EZH2: variants seen among roughly 807,000 people sequenced by gnomAD.
EZH2 encodes the protein histone-lysine N-methyltransferase EZH2.
Under a neutral mutation model 98.4 loss-of-function variants are expected in EZH2, and 18 were observed. The ratio of observed to expected loss-of-function variants is 0.18; its 90% CI spans 0.13 to 0.27. EZH2 has a LOEUF of 0.27. EZH2 is among the 10% of genes least tolerant of loss of function. The pLI, the probability that EZH2 is intolerant of heterozygous loss-of-function variation, is 1.00. For missense variants in EZH2, 470 were observed against 935.1 expected, an observed-to-expected ratio of 0.50 and a Z score of 6.49; for synonymous variants, 338 against 312.3, an observed-to-expected ratio of 1.08 and a Z score of -0.87.
At chr7:148,811,582 A>G (rs781523688) in intron 16 of EZH2, 43 bp downstream of exon 16, 14 of 1,439,494 alleles carry the variant, frequency 9.7e-6, no homozygotes, top group African/African-American at 2.8e-5. Flanking sequence ...AAGTAAAGTT[A>G]GTATATACAA....
At chr7:148,864,441 G>A (rs1818138541) in intron 1 of EZH2, among the ~76,000 whole-genome samples, 2 of 152,198 alleles carry the variant, frequency 1.3e-5, no homozygotes, top group African/African-American at 4.8e-5. Context: ...CCAGCACTTT[G>A]GGAGGCTAAG....
chr7:148,861,730 C>T (rs546511379), intron 1 of EZH2, among the ~76,000 whole-genome samples: 5 of 149,636 alleles, frequency 3.3e-5, no homozygotes, highest in African/African-American at 9.9e-5. Context: ...TAGCACTTTG[C>T]GGGGCTGAGG....
chr7:148,822,314 G>A (rs886469763), intron 8 of EZH2, among the ~76,000 whole-genome samples: 12 of 150,552 alleles, frequency 8.0e-5, no homozygotes, highest in South Asian at 6.4e-4. Flanking sequence ...GTTTGAGACC[G>A]GCCTGGCCAA....
intron 8 of EZH2, among the ~76,000 whole-genome samples, 163 bp downstream of exon 8, chr7:148,826,291 C>T (rs1469128938): frequency 2.0e-5 from 3 of 150,748 alleles, no homozygotes; most frequent in Non-Finnish European, 4.4e-5. Flanking sequence ...GATTTCAGAG[C>T]AATCCTCAAG....
intron 15 of EZH2, 180 bp from the exon 16 acceptor site, chr7:148,811,900 CATT>C: frequency 1.7e-6 from 1 of 577,122 alleles, no homozygotes; most frequent in Non-Finnish European, 3.1e-6. Context: ...TGGCTATGAA[CATT>C]ATGTTTTCCT....
At chr7:148,822,803 G>GAC (rs1467843722) in intron 8 of EZH2, among the ~76,000 whole-genome samples, 2 of 151,986 alleles carry the variant, frequency 1.3e-5, no homozygotes, top group Non-Finnish European at 2.9e-5. Context: ...TGAGCCAGGT[G>GAC]AGGTGGTGCG....
intron 2 of EZH2, 39 bp from the exon 3 acceptor site, chr7:148,846,637 T>G (rs371669370): frequency 6.3e-7 from 1 of 1,587,246 alleles, no homozygotes; most frequent in Non-Finnish European, 8.6e-7. Flanking sequence ...GGAGAAATTG[T>G]TCATTGTTAG....
rs2129476903 is a variant in EZH2, at chr7:148,829,747, C to T, written c.465G>A (p.Gly155=). 1.2e-6 allele frequency: 2 copies of T among 1,610,652 alleles called. No individual in the cohort carries two copies. Among genetic ancestry groups the T allele is most frequent in the Non-Finnish European group, 1.7e-6 (2 of 1,178,968 alleles). Residue 155 remains glycine (G), a synonymous_variant, in exon 5 of 20, where the codon GGG becomes GGA. Transcript: ENST00000320356. ...FIEELIKNYD[G]KVHGDRECGF... ...GCTCACCTCTATCCCCGTGTACTTT[C>T]CCATCATAATTTTTTATTAGTTCTT...
At chr7:148,883,831 G>T (rs13311836) in intron 1 of EZH2, among the ~76,000 whole-genome samples, 1 of 151,838 alleles carries the variant, frequency 6.6e-6, no homozygotes, top group African/African-American at 2.4e-5. Context: ...CCGGGCACCG[G>T]AACGCCCCGA....
At position 148,810,418 on chromosome 7, in the gene EZH2, AAAAG is replaced by A. The variant is rs771442420; in HGVS notation, c.1948-8_1948-5del. The A allele has an allele frequency of 1.1e-5, 18 of 1,602,400 alleles. No homozygotes were observed. The highest frequency in any genetic ancestry group is 1.1e-4 in the South Asian group (10 of 90,542). On this transcript the variant is annotated splice_polypyrimidine_tract_variant and splice_region_variant and intron_variant, in intron 16 of 19. Transcript: ENST00000320356. The stretch of plus-strand genomic sequence containing the variant: ...CAGCTTCATCTTGAGAAATAATCTA[AAAAG>A]AAAGACACAGGAGAAAATTCTTTTG...
intron 8 of EZH2, among the ~76,000 whole-genome samples, chr7:148,820,271 A>C (rs951184689): frequency 6.6e-6 from 1 of 152,210 alleles, no homozygotes; most frequent in Non-Finnish European, 1.5e-5. Flanking sequence ...AGAAAGATAC[A>C]CTGTTTGAAA....
In EZH2 at chr7:148,810,317, C is replaced by T; in HGVS notation, c.2029+16G>A. 6.3e-7 allele frequency: 1 copy of T among 1,589,892 alleles called. No homozygotes were observed. The highest frequency in any genetic ancestry group is 8.6e-7 in the Non-Finnish European group (1 of 1,159,912). ...TGCAACTCAGGAACTCACTGCCTCC[C>T]AGCTCTGAAACATACCATTGTTCAA... is the stretch of plus-strand genomic sequence containing the variant. On this transcript the variant is annotated intron_variant, in intron 17 of 19. Coordinates refer to ENST00000320356, the MANE Select transcript of EZH2 (RefSeq NM_004456.5).
intron 3 of EZH2, among the ~76,000 whole-genome samples, chr7:148,833,628 A>G (rs1461744666): frequency 2.0e-5 from 3 of 152,186 alleles, no homozygotes; most frequent in Non-Finnish European, 4.4e-5. Context: ...AGTAAATTTA[A>G]GTCTATTCTG....
In EZH2 at chr7:148,807,387, A is replaced by T; in HGVS notation, c.*259T>A. 1 of 473,830 alleles carries T rather than the reference A, an allele frequency of 2.1e-6. No homozygotes were observed. Among genetic ancestry groups the T allele is most frequent in the South Asian group, 3.2e-5 (1 of 30,810 alleles). The allele number at this position is 473,830 out of a possible 1,614,324, so 29.4% of individuals were successfully genotyped here. On this transcript the variant is annotated 3_prime_UTR_variant, in exon 20 of 20. Coordinates refer to ENST00000320356, the MANE Select transcript of EZH2 (RefSeq NM_004456.5). ...TATGAGAGATGATTCAACAAGGACAAGTTCAAGTATTCTTTATTCAAAGTT... is the reference window on the plus strand; with the variant it reads ...TATGAGAGATGATTCAACAAGGACATGTTCAAGTATTCTTTATTCAAAGTT...
intron 1 of EZH2, among the ~76,000 whole-genome samples, chr7:148,847,900 G>T (rs753098660): frequency 1.3e-5 from 2 of 152,090 alleles, no homozygotes; most frequent in Non-Finnish European, 2.9e-5. Context: ...TAACATGAGG[G>T]GTTTCTGCTA....
chr7:148,882,247 C>G (rs1422574301), intron 1 of EZH2, among the ~76,000 whole-genome samples: 2 of 151,972 alleles, frequency 1.3e-5, no homozygotes, highest in Admixed American at 6.6e-5. Context: ...TTTTATGAAA[C>G]CTTAAGTTAG....
intron 2 of EZH2, 57 bp from the exon 3 acceptor site, chr7:148,846,655 A>G (rs1358243684): frequency 8.6e-6 from 13 of 1,509,016 alleles, no homozygotes; most frequent in East Asian, 4.6e-5. Flanking sequence ...TAGAAAATGT[A>G]TAACACCTGT....
At chr7:148,818,217 T>C (rs1280499777) in intron 9 of EZH2, 100 bp from the exon 10 acceptor site, 3 of 1,177,050 alleles carry the variant, frequency 2.5e-6, no homozygotes, top group African/African-American at 1.5e-5. Flanking sequence ...TCAAAAAATG[T>C]ATCACATTAT....
At chr7:148,817,782 CAACT>C (rs1804965579) in intron 10 of EZH2, 91 bp downstream of exon 10, 2 of 1,529,138 alleles carry the variant, frequency 1.3e-6, no homozygotes, top group African/African-American at 1.4e-5. Flanking sequence ...TGAAACTAAC[CAACT>C]AAGAAAATTA....
Sources: gnomAD v4.1 joint callset for allele counts (sites outside exome capture counted in the v4.1 genomes callset) on GRCh38, gnomAD v4.1.1 for gene constraint, MANE v1.5 for transcripts, NCBI Gene and HGNC (gene_info 2026-07-23, HGNC 2026-07-21) for gene names.